EPYC: variants seen among roughly 807,000 people sequenced by gnomAD.
The protein encoded by EPYC is epiphycan.
EPYC carries 28 observed loss-of-function variants against 30.1 expected under a neutral mutation model. That is an observed-to-expected ratio of 0.93 (90% CI 0.69 to 1.28). EPYC has a LOEUF of 1.28. EPYC is among the 50% of genes most tolerant of loss of function. The pLI is 0.00. For missense variants in EPYC, 382 were observed against 383.5 expected (o/e 1.00, Z 0.03); for synonymous variants, 144 against 141.4 (o/e 1.02, Z -0.13).
At chr12:90,984,422 T>G (rs925585073) in intron 2 of EPYC, among the ~76,000 whole-genome samples, 4 of 152,258 alleles carry the variant, frequency 2.6e-5, no homozygotes, top group Non-Finnish European at 5.9e-5. Context: ...AAATGCATCC[T>G]AAGCCATTGA....
intron 2 of EPYC, among the ~76,000 whole-genome samples, chr12:90,997,181 A>G (rs1877712959): frequency 1.3e-5 from 2 of 152,088 alleles, no homozygotes; most frequent in Non-Finnish European, 2.9e-5. Flanking sequence ...ATGTCATCAT[A>G]CAGCAAATAC....
chr12:90,966,952 A>G (rs903248459), intron 6 of EPYC, among the ~76,000 whole-genome samples: 1 of 151,896 alleles, frequency 6.6e-6, no homozygotes, highest in African/African-American at 2.4e-5. Flanking sequence ...TATTCCTGTA[A>G]GTTTGGTAGT....
chr12:90,968,788 C>T (rs1255025555), intron 6 of EPYC, among the ~76,000 whole-genome samples: 1 of 151,910 alleles, frequency 6.6e-6, no homozygotes. Flanking sequence ...TTGGAAAACA[C>T]ATTCTAAAAT....
intron 2 of EPYC, 137 bp from the exon 3 acceptor site, chr12:90,978,399 C>A: frequency 1.3e-6 from 1 of 759,968 alleles, no homozygotes. Context: ...GTTTGACCAT[C>A]CTGCTTGCTT....
At chr12:90,998,612 C>T (rs1877750560) in intron 2 of EPYC, among the ~76,000 whole-genome samples, 1 of 152,060 alleles carries the variant, frequency 6.6e-6, no homozygotes, top group African/African-American at 2.4e-5. Flanking sequence ...ACTTATTGAC[C>T]ACCTAAATCC....
At chr12:90,987,697 A>G (rs1416842608) in intron 2 of EPYC, among the ~76,000 whole-genome samples, 2 of 152,174 alleles carry the variant, frequency 1.3e-5, no homozygotes, top group Admixed American at 6.5e-5. Context: ...TATGCTCTGT[A>G]TTTGAGAGAA....
At position 90,972,220 on chromosome 12, in the gene EPYC, A is replaced by C. The variant is rs557142671; in HGVS notation, c.500-218T>G. Reference sequence around the variant, plus strand: ...GCAAAGAAATTGGTACACCACGTTTAAAATAACTGGTCTTCTCTCCATAAT... The same window carrying C: ...GCAAAGAAATTGGTACACCACGTTTCAAATAACTGGTCTTCTCTCCATAAT... On this transcript the variant is annotated intron_variant, in intron 4 of 6. Coordinates refer to ENST00000261172, the MANE Select transcript of EPYC (RefSeq NM_004950.5). Among the ~76,000 whole-genome samples the C allele has an allele frequency of 2.6e-5, 4 of 152,334 alleles. No homozygotes were observed. In the South Asian group the frequency reaches 8.3e-4, roughly 32 times the overall value.
chr12:90,977,756 T>C (rs11105897), intron 3 of EPYC, among the ~76,000 whole-genome samples: 8,520 of 152,168 alleles, frequency 0.056, 339 homozygotes, highest in African/African-American at 0.1. Context: ...CTTGAACTGC[T>C]GTGGCCTAAT....
intron 3 of EPYC, among the ~76,000 whole-genome samples, chr12:90,974,465 T>G (rs1327562573): frequency 1.3e-5 from 2 of 152,066 alleles, no homozygotes; most frequent in East Asian, 3.9e-4. Context: ...CATAGTGATA[T>G]CTATAATAAA....
At chr12:90,967,109 A>G (rs973174459) in intron 6 of EPYC, among the ~76,000 whole-genome samples, 6 of 151,866 alleles carry the variant, frequency 4.0e-5, no homozygotes, top group African/African-American at 1.5e-4. Flanking sequence ...TATTTTACTT[A>G]TTCTGCTTTA....
At chr12:90,970,386 G>T (rs1877010860) in intron 5 of EPYC, among the ~76,000 whole-genome samples, 1 of 152,184 alleles carries the variant, frequency 6.6e-6, no homozygotes, top group Admixed American at 6.5e-5. Context: ...GTGTTTCTCA[G>T]TCTCTAGGAA....
chr12:90,998,782 A>G (rs919639867), intron 2 of EPYC, among the ~76,000 whole-genome samples: 4 of 152,056 alleles, frequency 2.6e-5, no homozygotes, highest in African/African-American at 9.7e-5. Context: ...TTTAGCCCAC[A>G]GTTTCTGTAG....
At chr12:90,971,461 G>A (rs1388841536) in intron 5 of EPYC, among the ~76,000 whole-genome samples, 1 of 152,020 alleles carries the variant, frequency 6.6e-6, no homozygotes, top group Non-Finnish European at 1.5e-5. Context: ...CTGGAGCCCA[G>A]GAGTTCGACA....
chr12:90,972,072 T>C, intron 4 of EPYC, 70 bp from the exon 5 acceptor site: 1 of 982,156 alleles, frequency 1.0e-6, no homozygotes, highest in Non-Finnish European at 1.5e-6. Flanking sequence ...AAATGTAATT[T>C]TCCTTTATTT....
At chr12:90,974,066 A>ACACACACACG (rs1555214981) in intron 3 of EPYC, among the ~76,000 whole-genome samples, 124 of 150,702 alleles carry the variant, frequency 8.2e-4, no homozygotes, top group African/African-American at 2.9e-3. Context: ...ACACACACAC[A>ACACACACACG]CACACACCCC....
chr12:90,986,971 C>T (rs933008813), intron 2 of EPYC, among the ~76,000 whole-genome samples: 47 of 151,968 alleles, frequency 3.1e-4, no homozygotes, highest in African/African-American at 1.1e-3. Flanking sequence ...AATTATTAGG[C>T]CTCCTGAAAA....
chr12:90,971,672 CAATAAATA>C (rs57567044), intron 5 of EPYC, 120 bp downstream of exon 5: 5,304 of 198,174 alleles, frequency 0.027, 316 homozygotes, highest in African/African-American at 0.13. Context: ...GACCCTATCT[CAATAAATA>C]AATAAATAAA....
intron 2 of EPYC, among the ~76,000 whole-genome samples, chr12:90,985,087 G>T (rs561035592): frequency 2.6e-5 from 4 of 152,234 alleles, no homozygotes; most frequent in Admixed American, 6.5e-5. Flanking sequence ...GAGATACCTG[G>T]AAAGGGACAA....
chr12:90,968,966 C>A (rs919969354), intron 6 of EPYC, among the ~76,000 whole-genome samples: 8 of 150,556 alleles, frequency 5.3e-5, no homozygotes, highest in African/African-American at 2.0e-4. Context: ...GACAAACCTA[C>A]AAAAGAGACA....
Sources: gnomAD v4.1 joint callset for allele counts (sites outside exome capture counted in the v4.1 genomes callset) on GRCh38, gnomAD v4.1.1 for gene constraint, MANE v1.5 for transcripts, NCBI Gene and HGNC (gene_info 2026-07-23, HGNC 2026-07-21) for gene names.